Variants in BBOX1 observed in about 807,000 individuals in gnomAD.
BBOX1 encodes gamma-butyrobetaine dioxygenase.
In BBOX1, 35 loss-of-function variants were observed where a neutral mutation model predicts 41.6. That is an observed-to-expected ratio of 0.84 (90% CI 0.64 to 1.11). The LOEUF (loss-of-function observed/expected upper bound fraction) is 1.11. Ranked by LOEUF, BBOX1 falls within the 50% of genes most tolerant of loss-of-function variation. The probability of loss-of-function intolerance (pLI) is 0.00; values close to 1 mark genes in which losing one functional copy is unlikely to be tolerated. For synonymous variants in BBOX1, 163 were observed against 154.7 expected, an observed-to-expected ratio of 1.05 and a Z score of -0.40; for missense variants, 458 against 460.6, an observed-to-expected ratio of 0.99 and a Z score of 0.05.
At chr11:27,093,060 A>T in intron 4 of BBOX1, 108 bp from the exon 5 acceptor site, 1 of 1,097,512 alleles carries the variant, frequency 9.1e-7, no homozygotes, top group Non-Finnish European at 1.3e-6. Context: ...AATAAAGTCC[A>T]TTATAAATCA....
intron 4 of BBOX1, among the ~76,000 whole-genome samples, chr11:27,062,567 C>CTT (rs150967140): frequency 0.082 from 12,219 of 148,536 alleles, 1,589 homozygotes; most frequent in African/African-American, 0.28. Flanking sequence ...CTTTCTTTTT[C>CTT]TTTTTTTTTT....
At chr11:27,101,163 C>T (rs1314332958) in intron 5 of BBOX1, among the ~76,000 whole-genome samples, 1 of 151,996 alleles carries the variant, frequency 6.6e-6, no homozygotes, top group African/African-American at 2.4e-5. Context: ...CTAACATTTA[C>T]CTCCTAATTT....
chr11:27,071,474 T>G (rs940738758), intron 4 of BBOX1, among the ~76,000 whole-genome samples: 4 of 151,754 alleles, frequency 2.6e-5, no homozygotes, highest in African/African-American at 7.3e-5. Flanking sequence ...CCAAATCTCA[T>G]GTCAAATTGT....
intron 4 of BBOX1, among the ~76,000 whole-genome samples, chr11:27,081,193 T>C (rs1417025287): frequency 6.6e-6 from 1 of 152,268 alleles, no homozygotes; most frequent in South Asian, 2.1e-4. Context: ...TGAACTAGCT[T>C]CAGAAATAAA....
At chr11:27,046,690 T>A (rs1851497186) in intron 2 of BBOX1, among the ~76,000 whole-genome samples, 1 of 152,126 alleles carries the variant, frequency 6.6e-6, no homozygotes, top group Non-Finnish European at 1.5e-5. Flanking sequence ...CTGATAAAAA[T>A]TCATCCTATA....
chr11:27,114,305 A>C (rs1859181842), intron 5 of BBOX1, among the ~76,000 whole-genome samples: 1 of 151,794 alleles, frequency 6.6e-6, no homozygotes, highest in South Asian at 2.1e-4. Context: ...GAAGGCATAA[A>C]ATTGTTAAGA....
At chr11:27,100,513 A>G (rs896637849) in intron 5 of BBOX1, among the ~76,000 whole-genome samples, 1 of 152,066 alleles carries the variant, frequency 6.6e-6, no homozygotes, top group African/African-American at 2.4e-5. Context: ...TAATGTGCTA[A>G]TTATAATGCT....
chr11:27,098,249 A>G (rs924782820), intron 5 of BBOX1, among the ~76,000 whole-genome samples: 7 of 151,928 alleles, frequency 4.6e-5, no homozygotes, highest in African/African-American at 7.2e-5. Context: ...TTGATCTGGC[A>G]TCCTCTGCAG....
At chr11:27,048,852 T>G (rs1386227396) in intron 2 of BBOX1, among the ~76,000 whole-genome samples, 1 of 146,176 alleles carries the variant, frequency 6.8e-6, no homozygotes, top group East Asian at 2.1e-4. Context: ...ACCCACTAAC[T>G]CGTCATCTAG....
intron 3 of BBOX1, among the ~76,000 whole-genome samples, chr11:27,056,040 G>A (rs910470770): frequency 5.9e-5 from 9 of 152,030 alleles, no homozygotes; most frequent in Non-Finnish European, 1.2e-4. Context: ...ATCCCGACTT[G>A]AGGACTTTAC....
intron 4 of BBOX1, among the ~76,000 whole-genome samples, chr11:27,084,893 A>G (rs1308839992): frequency 6.6e-6 from 1 of 152,148 alleles, no homozygotes; most frequent in Non-Finnish European, 1.5e-5. Flanking sequence ...TCAAGGAAGT[A>G]TTTATTAGTA....
Position 27,055,407 on chromosome 11 carries a change from C to T in BBOX1, c.-24C>T, listed in dbSNP as rs1443319936. ...ATTTGTCATAGCAGGTAGCTGACAG[C>T]ATCTACTCCTGAAGACCGGAAACAT... On this transcript the variant is annotated 5_prime_UTR_variant, in exon 3 of 9. Transcript: ENST00000263182. The T allele has an allele frequency of 1.9e-6, 3 of 1,605,090 alleles. No homozygotes were observed. Among genetic ancestry groups the T allele is most frequent in the East Asian group, 4.5e-5 (2 of 44,752 alleles).
intron 4 of BBOX1, among the ~76,000 whole-genome samples, chr11:27,077,974 C>T (rs1224989733): frequency 2.0e-5 from 3 of 152,192 alleles, no homozygotes; most frequent in Non-Finnish European, 2.9e-5. Context: ...TCATGTGTCT[C>T]ATTGCCTACA....
chr11:27,068,383 G>T (rs1590181617), intron 4 of BBOX1, among the ~76,000 whole-genome samples: 1 of 152,178 alleles, frequency 6.6e-6, no homozygotes, highest in Non-Finnish European at 1.5e-5. Flanking sequence ...TTTGAGAAAT[G>T]TCCATTCATG....
At position 27,127,451 on chromosome 11, in the gene BBOX1, T is replaced by C. The variant is rs773485958; in HGVS notation, c.1162T>C (p.Ter388ArgextTer4). 31 of 1,601,856 alleles carry C rather than the reference T, an allele frequency of 1.9e-5. No individual in the cohort carries two copies. Among genetic ancestry groups the C allele is most frequent in the Non-Finnish European group, 2.5e-5 (30 of 1,177,044 alleles). Residue 388 changes from the stop codon to arginine, a stop_lost, in exon 9 of 9, where the codon TGA becomes CGA. Transcript: ENST00000263182. ...ILRQRVENGN* is the reference protein window; with the variant it reads ...ILRQRVENGNR ...AAGGCAGAGGGTGGAGAATGGAAAC[T>C]GAAGTCACCTGTAGATAATTTTAAT...
chr11:27,050,438 G>A (rs562031992), intron 2 of BBOX1, among the ~76,000 whole-genome samples: 9 of 152,124 alleles, frequency 5.9e-5, no homozygotes, highest in African/African-American at 1.9e-4. Flanking sequence ...AGATGACTTT[G>A]GTAGTATGGA....
chr11:27,125,237 C>T (rs1223498823), intron 7 of BBOX1, among the ~76,000 whole-genome samples: 1 of 152,032 alleles, frequency 6.6e-6, no homozygotes, highest in African/African-American at 2.4e-5. Context: ...ATTTTCTTCC[C>T]ATCATACCCT....
chr11:27,117,335 C>T (rs548704660), intron 6 of BBOX1, among the ~76,000 whole-genome samples: 2 of 151,960 alleles, frequency 1.3e-5, no homozygotes, highest in Admixed American at 6.6e-5. Context: ...GTATTAGCTA[C>T]GCTAGTCTAG....
intron 2 of BBOX1, among the ~76,000 whole-genome samples, chr11:27,043,126 C>T (rs955061919): frequency 1.3e-4 from 20 of 151,822 alleles, no homozygotes; most frequent in Non-Finnish European, 2.6e-4. Flanking sequence ...TGCAGTGGCG[C>T]GATCTCGGCT....
Sources: gnomAD v4.1 joint callset for allele counts (sites outside exome capture counted in the v4.1 genomes callset) on GRCh38, gnomAD v4.1.1 for gene constraint, MANE v1.5 for transcripts, NCBI Gene and HGNC (gene_info 2026-07-23, HGNC 2026-07-21) for gene names.